RASGRF1: variants seen among roughly 807,000 people sequenced by gnomAD.
RASGRF1 encodes ras-specific guanine nucleotide-releasing factor 1.
A neutral mutation model predicts 138.7 loss-of-function variants in RASGRF1; 40 were observed. The ratio of observed to expected loss-of-function variants is 0.29; its 90% CI spans 0.22 to 0.38. The LOEUF (loss-of-function observed/expected upper bound fraction) is 0.38, where lower values mean the gene tolerates loss of function less well. Ranked by LOEUF, RASGRF1 falls within the 10% of genes least tolerant of loss-of-function variation. The pLI, the probability that RASGRF1 is intolerant of heterozygous loss-of-function variation, is 1.00. For synonymous variants in RASGRF1, 614 were observed against 663.2 expected (o/e 0.93, Z 1.14); for missense variants, 1,108 against 1,650.4 (o/e 0.67, Z 5.69).
rs1277648472 is a variant in RASGRF1 at position 78,961,508 on chromosome 15, G to T, written c.*636C>A. 2 of 152,388 alleles carry T rather than the reference G, an allele frequency of 1.3e-5. No homozygotes were observed. Among genetic ancestry groups the T allele is most frequent in the Non-Finnish European group, 2.9e-5 (2 of 68,220 alleles). The allele number at this position is 152,388 out of a possible 1,614,324, so 9.4% of individuals were successfully genotyped here. A position where few individuals can be genotyped will look rare whatever the true frequency, so the allele number is the denominator to read the frequency against. On this transcript the variant is annotated 3_prime_UTR_variant, in exon 27 of 27. Coordinates refer to ENST00000558480, the MANE Select transcript of RASGRF1 (RefSeq NM_001145648.3). ...TCTGGTGTTAATCCTAGAGCAAGGA[G>T]CGACGTGGGGCCTGAACGAGATGGC...
chr15:78,998,938 T>G, intron 17 of RASGRF1, 113 bp from the exon 18 acceptor site: 1 of 755,172 alleles, frequency 1.3e-6, no homozygotes, highest in Non-Finnish European at 2.4e-6. Context: ...AGTGAGGGGG[T>G]CATGGGCAGG....
At chr15:79,053,670 G>A (rs1260376233) in intron 3 of RASGRF1, among the ~76,000 whole-genome samples, 1 of 152,212 alleles carries the variant, frequency 6.6e-6, no homozygotes, top group Admixed American at 6.5e-5. Flanking sequence ...ACTTAGTAAA[G>A]TTACACGTGT....
rs980115048 is a variant in RASGRF1 at position 78,983,629 on chromosome 15, C to T, written c.3414+1378G>A. ...GAGAGAGAGATTTACTTGGAATGGG[C>T]CCCCAGACTGTGGCAAGGGCCCTGC... On this transcript the variant is annotated intron_variant, in intron 23 of 26. Transcript: ENST00000558480. Among the ~76,000 whole-genome samples the T allele has an allele frequency of 3.3e-5, 5 of 152,314 alleles. No homozygotes were observed. The East Asian group carries it at 9.6e-4, about 29-fold the overall frequency.
At chr15:79,008,793 A>C (rs2056736110) in intron 13 of RASGRF1, among the ~76,000 whole-genome samples, 1 of 152,202 alleles carries the variant, frequency 6.6e-6, no homozygotes, top group Admixed American at 6.5e-5. Context: ...GAGAGAAGCC[A>C]CGCCTGCTCA....
chr15:79,032,252 C>T lies in RASGRF1; in HGVS notation c.1023G>A (p.Gln341=), dbSNP rs746150376. The T allele has an allele frequency of 6.2e-6, 10 of 1,614,032 alleles. No homozygotes were observed. Among genetic ancestry groups the T allele is most frequent in the Non-Finnish European group, 8.5e-6 (10 of 1,179,954 alleles). The change falls in exon 7 of 27, where the codon CAG becomes CAA. Residue 341 remains glutamine, a synonymous_variant. Transcript: ENST00000558480. The surrounding 1 kb of genome is among the most constrained non-coding windows in gnomAD (Gnocchi z 4.5). ...AGTGGGCCAGGATCTGCAGGCTGTA[C>T]TGGTGGTTGCGGACGAACTCTTGGT... ...NIYQEFVRNH[Q]YSLQILAHCK... is the part of the protein sequence containing the mutation.
At chr15:79,041,334 G>A (rs1414735052) in intron 5 of RASGRF1, among the ~76,000 whole-genome samples, 2 of 152,224 alleles carry the variant, frequency 1.3e-5, no homozygotes, top group Non-Finnish European at 2.9e-5. Flanking sequence ...TGCGAATGGT[G>A]CTCCCAGAAT....
chr15:78,998,311 C>T (rs552018457), intron 18 of RASGRF1, 103 bp from the exon 19 acceptor site: 145 of 992,106 alleles, frequency 1.5e-4, no homozygotes, highest in South Asian at 8.7e-4. Context: ...CTATTCTGCC[C>T]AGGGCAGGCT....
chr15:79,047,334 G>A (rs1042629069), intron 4 of RASGRF1, among the ~76,000 whole-genome samples: 2 of 152,210 alleles, frequency 1.3e-5, no homozygotes, highest in African/African-American at 4.8e-5. Flanking sequence ...GACCTCTGCA[G>A]TTTAACAAGA....
In RASGRF1 at chr15:79,015,405, A is replaced by G; in HGVS notation, c.1748T>C (p.Val583Ala). The change falls in exon 13 of 27, where the codon GTG becomes GCG. Residue 583 changes from valine to alanine, a missense_variant. Transcript: ENST00000558480. ...GAGCCCATTGCATCGGATGTTATCCACACACTGGAATCAGAGAGAGGACCC... is the reference window on the plus strand; with the variant it reads ...GAGCCCATTGCATCGGATGTTATCCGCACACTGGAATCAGAGAGAGGACCC... ...AAWTSDISQC[V>A]DNIRCNGLMM... 1 of 1,613,396 alleles carries G rather than the reference A, an allele frequency of 6.2e-7. No homozygotes were observed. Among genetic ancestry groups the G allele is most frequent in the Non-Finnish European group, 8.5e-7 (1 of 1,179,270 alleles).
At chr15:78,972,459 T>C (rs2055782930) in intron 25 of RASGRF1, among the ~76,000 whole-genome samples, 1 of 151,624 alleles carries the variant, frequency 6.6e-6, no homozygotes, top group African/African-American at 2.4e-5. Flanking sequence ...CAAGACTCTA[T>C]AGGTAAATTA....
At chr15:79,042,646 A>C (rs542038274) in intron 5 of RASGRF1, among the ~76,000 whole-genome samples, 1 of 152,340 alleles carries the variant, frequency 6.6e-6, no homozygotes, top group South Asian at 2.1e-4. Flanking sequence ...AAACAGATCT[A>C]GGTTACAATC....
At chr15:78,991,323 A>T (rs1473537875) in intron 21 of RASGRF1, among the ~76,000 whole-genome samples, 27 of 152,130 alleles carry the variant, frequency 1.8e-4, no homozygotes, top group Admixed American at 1.8e-3. Flanking sequence ...CCTGTCCCCT[A>T]AATCAGCTAC....
intron 17 of RASGRF1, 113 bp from the exon 18 acceptor site, chr15:78,998,938 T>C: frequency 1.3e-6 from 1 of 755,170 alleles, no homozygotes. Flanking sequence ...AGTGAGGGGG[T>C]CATGGGCAGG....
chr15:78,963,266 T>C (rs908545569), intron 26 of RASGRF1, among the ~76,000 whole-genome samples: 5 of 152,198 alleles, frequency 3.3e-5, no homozygotes, highest in Admixed American at 1.3e-4. Flanking sequence ...AGGCACATTT[T>C]TCCCCGCTAC....
intron 1 of RASGRF1, among the ~76,000 whole-genome samples, chr15:79,089,754 G>A (rs1037944558): frequency 1.5e-4 from 23 of 152,266 alleles, no homozygotes; most frequent in African/African-American, 4.8e-4. Context: ...GGCTGGCAGC[G>A]CTCGGACGCC....
rs1567594597 is a variant in RASGRF1, at chr15:79,059,257, CCCTTCCCTTCCCTTCCCTAT to C, written c.384-796_384-777del. Among the ~76,000 whole-genome samples the C allele has an allele frequency of 6.6e-4, 31 of 46,726 alleles. 1 individual carries two copies. The highest frequency in any genetic ancestry group is 1.5e-3 in the African/African-American group (11 of 7,204). 30.7% of individuals were successfully genotyped at this position (46,726 alleles called of 152,430 possible). The stretch of plus-strand genomic sequence containing the variant: ...CCCTTCCCTTCCCTTCCCTATCCTT[CCCTTCCCTTCCCTTCCCTAT>C]CCTTCCCTTCCCTTCCCTATCCTTC... On this transcript the variant is annotated intron_variant, in intron 2 of 26. Coordinates refer to ENST00000558480, the MANE Select transcript of RASGRF1 (RefSeq NM_001145648.3).
At chr15:79,010,073 C>T (rs563175662) in intron 13 of RASGRF1, among the ~76,000 whole-genome samples, 15 of 149,596 alleles carry the variant, frequency 1.0e-4, no homozygotes, top group Non-Finnish European at 1.6e-4. Context: ...CTCACCCACT[C>T]TGTCGCCCAG....
chr15:79,013,178 C>T (rs994843103), intron 13 of RASGRF1, among the ~76,000 whole-genome samples: 1 of 152,198 alleles, frequency 6.6e-6, no homozygotes, highest in African/African-American at 2.4e-5. Context: ...GCGACTTGTC[C>T]ATATTCACAC....
chr15:79,074,381 G>A (rs2057804303), intron 1 of RASGRF1, among the ~76,000 whole-genome samples: 1 of 152,220 alleles, frequency 6.6e-6, no homozygotes, highest in Non-Finnish European at 1.5e-5. Flanking sequence ...GTTGATGTGA[G>A]GGTCAATGAT....
Sources: gnomAD v4.1 joint callset for allele counts (sites outside exome capture counted in the v4.1 genomes callset) on GRCh38, gnomAD v4.1.1 for gene constraint, Gnocchi (gnomAD v3.1) non-coding constraint, MANE v1.5 for transcripts, NCBI Gene and HGNC (gene_info 2026-07-23, HGNC 2026-07-21) for gene names.